Variants in GABRB3 observed in about 807,000 individuals in gnomAD.
The protein encoded by GABRB3 is gamma-aminobutyric acid type A receptor subunit beta3, also known as gamma-aminobutyric acid receptor subunit beta-3.
In GABRB3, 14 loss-of-function variants were observed where a neutral mutation model predicts 52.1. The ratio of observed to expected loss-of-function variants is 0.27; its 90% CI spans 0.18 to 0.42. The LOEUF is 0.42. GABRB3 is among the 10% of genes least tolerant of loss of function. The pLI is 1.00. For missense variants in GABRB3, 307 were observed against 609.1 expected (o/e 0.50, Z 5.22); for synonymous variants, 260 against 232.3 (o/e 1.12, Z -1.08).
intron 8 of GABRB3, among the ~76,000 whole-genome samples, chr15:26,554,776 C>T (rs1338683433): frequency 1.3e-5 from 2 of 152,144 alleles, no homozygotes; most frequent in African/African-American, 4.8e-5. Context: ...CTGCCATTTT[C>T]ACAAGTATAA....
rs1048262729 is a variant in GABRB3 at position 26,606,383 on chromosome 15, C to T, written c.461+14931G>A. Among the ~76,000 whole-genome samples the T allele has an allele frequency of 2.0e-5, 3 of 151,768 alleles. No homozygotes were observed. The East Asian group carries it at 5.8e-4, about 29-fold the overall frequency. On this transcript the variant is annotated intron_variant, in intron 4 of 8. Coordinates refer to ENST00000311550, the MANE Select transcript of GABRB3 (RefSeq NM_000814.6). ...GATGTGATTATTATGTACTGCATGC[C>T]GGGACCAAAATATCTCATGTATCCC...
chr15:26,746,467 T>G (rs574968190), intron 3 of GABRB3, among the ~76,000 whole-genome samples: 5 of 152,222 alleles, frequency 3.3e-5, no homozygotes, highest in Non-Finnish European at 7.3e-5. Context: ...ATTTTTCCTT[T>G]TATGAATCAT....
At chr15:26,697,957 T>G (rs1888797282) in intron 3 of GABRB3, among the ~76,000 whole-genome samples, 1 of 152,228 alleles carries the variant, frequency 6.6e-6, no homozygotes, top group South Asian at 2.1e-4. Flanking sequence ...TGAAATAATT[T>G]AGAACTCATC....
chr15:26,571,386 C>A (rs2140707192), intron 6 of GABRB3, among the ~76,000 whole-genome samples: 1 of 152,298 alleles, frequency 6.6e-6, no homozygotes, highest in Admixed American at 6.5e-5. Flanking sequence ...ACATACTTCC[C>A]ATCATGTTTC....
intron 4 of GABRB3, among the ~76,000 whole-genome samples, chr15:26,600,166 A>C (rs1891536816): frequency 6.6e-6 from 1 of 152,046 alleles, no homozygotes. Flanking sequence ...CTGGAAGACA[A>C]AATATTTGAA....
chr15:26,751,355 T>C (rs771717264), intron 3 of GABRB3, among the ~76,000 whole-genome samples: 2 of 152,174 alleles, frequency 1.3e-5, no homozygotes, highest in African/African-American at 4.8e-5. Flanking sequence ...CAGGAATGTG[T>C]CCAGAACAAT....
In GABRB3 at chr15:26,605,966, C is replaced by T. The variant is rs142265365; in HGVS notation, c.461+15348G>A. Among the ~76,000 whole-genome samples the T allele has an allele frequency of 4.9e-3, 739 of 152,188 alleles. 18 individuals are homozygous for T. The highest frequency in any genetic ancestry group is 0.038 in the Admixed American group (586 of 15,274). On this transcript the variant is annotated intron_variant, in intron 4 of 8. Transcript: ENST00000311550. ...GCGGAAGTCGAATACGAAGGAGGCA[C>T]GTCTTACATGGTCAGAACATGGGGA...
intron 8 of GABRB3, among the ~76,000 whole-genome samples, chr15:26,556,505 T>C (rs1189377565): frequency 6.6e-6 from 1 of 152,174 alleles, no homozygotes; most frequent in African/African-American, 2.4e-5. Context: ...TACTAATTGG[T>C]CAACTTGTAA....
At chr15:26,619,121 G>A (rs2140532067) in intron 4 of GABRB3, among the ~76,000 whole-genome samples, 1 of 151,954 alleles carries the variant, frequency 6.6e-6, no homozygotes, top group South Asian at 2.1e-4. Context: ...GATTCCTCAG[G>A]GATCTAGAAC....
At chr15:26,633,701 C>A (rs1160900642) in intron 3 of GABRB3, among the ~76,000 whole-genome samples, 1 of 152,198 alleles carries the variant, frequency 6.6e-6, no homozygotes, top group African/African-American at 2.4e-5. Flanking sequence ...CCCAAAGCCC[C>A]ACGTCTATCA....
intron 3 of GABRB3, among the ~76,000 whole-genome samples, chr15:26,724,840 C>G (rs535079071): frequency 4.6e-5 from 7 of 152,158 alleles, no homozygotes; most frequent in South Asian, 2.1e-4. Context: ...CTTTGCCCCC[C>G]CTCAAAGTAT....
At chr15:26,765,684 T>C (rs548379729) in intron 3 of GABRB3, among the ~76,000 whole-genome samples, 34 of 151,978 alleles carry the variant, frequency 2.2e-4, no homozygotes, top group Non-Finnish European at 3.8e-4. Context: ...CCTCACGGAG[T>C]GTATGCTCTA....
chr15:26,771,237 T>C (rs1891134700), intron 3 of GABRB3, among the ~76,000 whole-genome samples: 4 of 152,196 alleles, frequency 2.6e-5, no homozygotes, highest in Non-Finnish European at 2.9e-5. Context: ...CTCAAAATAT[T>C]GTCCACAAAA....
chr15:26,635,010 A>ATATATATATATATATTTATAT (rs10676156), intron 3 of GABRB3, among the ~76,000 whole-genome samples: 1 of 74,882 alleles, frequency 1.3e-5, no homozygotes, highest in Non-Finnish European at 2.5e-5. Flanking sequence ...ATATATATAT[A>ATATATATATATATATTTATAT]ATATATATAT....
chr15:26,554,207 A>ATATATATATATATATATATATTTATT lies in GABRB3; in HGVS notation c.1081-6074_1081-6073insAATAAATATATATATATATATATATA, dbSNP rs1348288306. 2.4e-4 allele frequency among the ~76,000 whole-genome samples: 14 copies of ATATATATATATATATATATATTTATT among 57,828 alleles called. 1 individual carries two copies. The highest frequency in any genetic ancestry group is 5.0e-4 in the Non-Finnish European group (12 of 24,142). 37.9% of individuals were successfully genotyped at this position (57,828 alleles called of 152,430 possible). On this transcript the variant is annotated intron_variant, in intron 8 of 8. Transcript: ENST00000311550. ...ATATATATACTATATATATATATAT[A>ATATATATATATATATATATATTTATT]TAGTAGAAACAAGGTCTCTCTTTGT...
chr15:26,744,796 A>C (rs1295555541), intron 3 of GABRB3, among the ~76,000 whole-genome samples: 1 of 132,180 alleles, frequency 7.6e-6, no homozygotes, highest in East Asian at 2.5e-4. Context: ...CATATTTTCA[A>C]TTTTCAAGTT....
rs553697674 is a variant in GABRB3 at position 26,772,832 on chromosome 15, C to T, written c.80+51G>A. 2.8e-6 allele frequency: 4 copies of T among 1,452,406 alleles called. No individual in the cohort carries two copies. The East Asian group carries it at 1.2e-4, about 44-fold the overall frequency. The allele number at this position is 1,452,406 out of a possible 1,614,324, so 90.0% of individuals were successfully genotyped here. On this transcript the variant is annotated intron_variant, in intron 1 of 8. Coordinates refer to ENST00000311550, the MANE Select transcript of GABRB3 (RefSeq NM_000814.6). ...CAGGGGCGGCTCAGCCGCCAGCGCCCCGCGCACCCCGCGCCCTGCCCGCCG... is the reference window on the plus strand; with the variant it reads ...CAGGGGCGGCTCAGCCGCCAGCGCCTCGCGCACCCCGCGCCCTGCCCGCCG...
At chr15:26,645,020 GAAGGAT>G (rs1266589422) in intron 3 of GABRB3, among the ~76,000 whole-genome samples, 1 of 152,224 alleles carries the variant, frequency 6.6e-6, no homozygotes, top group Non-Finnish European at 1.5e-5. Flanking sequence ...GGCTAAGAAG[GAAGGAT>G]TGCTTGAGGC....
chr15:26,716,048 A>G lies in GABRB3; in HGVS notation c.240+56354T>C, dbSNP rs1336976054. Reference sequence around the variant, plus strand: ...GCTGAGCCATGCAGGAATTCCCCACACCTTCTAAAGCAAGTGCATCCAACT... The same window carrying G: ...GCTGAGCCATGCAGGAATTCCCCACGCCTTCTAAAGCAAGTGCATCCAACT... On this transcript the variant is annotated intron_variant, in intron 3 of 8. Transcript: ENST00000311550. 3.3e-5 allele frequency among the ~76,000 whole-genome samples: 5 copies of G among 152,200 alleles called. No homozygotes were observed. The East Asian group carries it at 7.7e-4, about 23-fold the overall frequency.
Sources: gnomAD v4.1 joint callset for allele counts (sites outside exome capture counted in the v4.1 genomes callset) on GRCh38, gnomAD v4.1.1 for gene constraint, MANE v1.5 for transcripts, NCBI Gene and HGNC (gene_info 2026-07-23, HGNC 2026-07-21) for gene names.